The following NEXMIF variants were observed in gnomAD, a reference collection of about 807,000 sequenced individuals.
The protein encoded by NEXMIF is neurite extension and migration factor.
A neutral mutation model predicts 62.1 loss-of-function variants in NEXMIF; 8 were observed. The ratio of observed to expected loss-of-function variants is 0.13; its 90% CI spans 0.08 to 0.23. NEXMIF has a LOEUF of 0.23. NEXMIF is among the 10% of genes least tolerant of loss of function. NEXMIF has a pLI of 1.00. For missense variants in NEXMIF, 976 were observed against 1,113.3 expected (o/e 0.88, Z 1.75); for synonymous variants, 404 against 416.6 (o/e 0.97, Z 0.37).
chrX:74,753,194 T>C (rs949922374), intron 1 of NEXMIF, among the ~76,000 whole-genome samples: 1 of 112,509 alleles, frequency 8.9e-6, no homozygotes, highest in African/African-American at 3.2e-5. Context: ...TTATTACTAA[T>C]TTATCCTGTT....
intron 1 of NEXMIF, among the ~76,000 whole-genome samples, chrX:74,830,879 A>G (rs1433795280): frequency 8.9e-6 from 1 of 111,838 alleles, no homozygotes; most frequent in African/African-American, 3.2e-5. Flanking sequence ...TAGAAATGCT[A>G]CTGATTTTTG....
chrX:74,769,485 T>C (rs780374321), intron 1 of NEXMIF, among the ~76,000 whole-genome samples: 1 of 111,737 alleles, frequency 8.9e-6, no homozygotes, highest in East Asian at 2.8e-4. Flanking sequence ...ATGCCAACAC[T>C]ATGAAAAGAA....
At chrX:74,819,328 A>G (rs1408575314) in intron 1 of NEXMIF, among the ~76,000 whole-genome samples, 1 of 112,149 alleles carries the variant, frequency 8.9e-6, no homozygotes, top group Non-Finnish European at 1.9e-5. Context: ...GCCAAAATAG[A>G]CAAATGAGAT....
chrX:74,776,519 A>T (rs1245457789), intron 1 of NEXMIF, among the ~76,000 whole-genome samples: 1 of 110,749 alleles, frequency 9.0e-6, no homozygotes, highest in Non-Finnish European at 1.9e-5. Flanking sequence ...TGAGGTCAGG[A>T]GTTCAAGACC....
intron 1 of NEXMIF, among the ~76,000 whole-genome samples, chrX:74,855,454 T>G (rs1159141161): frequency 8.9e-6 from 1 of 111,945 alleles, no homozygotes; most frequent in African/African-American, 3.2e-5. Context: ...TCTGAGGCAA[T>G]GCATAATAGA....
chrX:74,740,367 C>G lies in NEXMIF; in HGVS notation c.4190G>C (p.Gly1397Ala), dbSNP rs1177439706. 1 of 1,212,014 alleles carries G rather than the reference C, an allele frequency of 8.3e-7. No homozygotes were observed. The highest frequency in any genetic ancestry group is 1.1e-6 in the Non-Finnish European group (1 of 895,585). Residue 1397 changes from glycine (G) to alanine (A), a missense_variant, in exon 3 of 4, where the codon GGT (glycine) becomes GCT (alanine). This residue lies in a region of NEXMIF where 137 missense variants were observed against 128.9 expected (regional missense o/e 1.06). Transcript: ENST00000055682. The stretch of plus-strand genomic sequence containing the variant: ...TGTTTTCCCATTGCTTTTGCTCACA[C>G]CCTTGATTGACCTGTGATTCTTAGT... ...GATKNHRSIK[G>A]VSKSNGKTAI...
At chrX:74,771,101 G>T (rs1008728442) in intron 1 of NEXMIF, among the ~76,000 whole-genome samples, 3 of 111,798 alleles carry the variant, frequency 2.7e-5, no homozygotes, top group Non-Finnish European at 3.8e-5. Flanking sequence ...CAAATTGGTT[G>T]TTTTAGTATA....
chrX:74,789,478 G>C (rs2080271665), intron 1 of NEXMIF, among the ~76,000 whole-genome samples: 1 of 110,385 alleles, frequency 9.1e-6, no homozygotes, highest in South Asian at 3.9e-4. Context: ...ATAGTCCTTT[G>C]GGTATATATC....
intron 1 of NEXMIF, among the ~76,000 whole-genome samples, chrX:74,907,310 C>G (rs1399541599): frequency 9.7e-6 from 1 of 103,399 alleles, no homozygotes; most frequent in South Asian, 5.1e-4. Flanking sequence ...TAAGTAAAGC[C>G]CTTGTGTGTT....
chrX:74,882,515 G>A (rs757094335), intron 1 of NEXMIF, among the ~76,000 whole-genome samples: 3 of 111,914 alleles, frequency 2.7e-5, no homozygotes, highest in African/African-American at 6.5e-5. Context: ...CAACTGGCTC[G>A]GAGGGTCCTA....
At chrX:74,887,507 A>C (rs1429539786) in intron 1 of NEXMIF, among the ~76,000 whole-genome samples, 1 of 112,491 alleles carries the variant, frequency 8.9e-6, no homozygotes, top group African/African-American at 3.2e-5. Flanking sequence ...GACACTTCTC[A>C]AAAGAAGACA....
At chrX:74,877,270 T>C (rs1196184981) in intron 1 of NEXMIF, among the ~76,000 whole-genome samples, 18 of 111,315 alleles carry the variant, frequency 1.6e-4, no homozygotes, top group Admixed American at 1.9e-4. Context: ...TGGCTGGATA[T>C]GAAATTCTGG....
chrX:74,891,993 G>A (rs991300795), intron 1 of NEXMIF, among the ~76,000 whole-genome samples: 2 of 112,320 alleles, frequency 1.8e-5, no homozygotes, highest in African/African-American at 6.5e-5. Context: ...GGTCAGCAAC[G>A]CTGGCATTTA....
intron 1 of NEXMIF, among the ~76,000 whole-genome samples, chrX:74,866,069 C>A (rs1291134052): frequency 9.0e-6 from 1 of 111,294 alleles, no homozygotes; most frequent in Non-Finnish European, 1.9e-5. Flanking sequence ...GGTAGATCTG[C>A]CGACAGCTTG....
Position 74,864,443 on chromosome X carries a change from C to T in NEXMIF, c.-48+60440G>A, listed in dbSNP as rs191439118. On this transcript the variant is annotated intron_variant, in intron 1 of 3. Coordinates refer to ENST00000055682, the MANE Select transcript of NEXMIF (RefSeq NM_001008537.3). ...CATCTTGAATGTAGCTCTCATAATC[C>T]CCATGTGGGAGGGACCCAGTTGGAA... Among the ~76,000 whole-genome samples the T allele has an allele frequency of 3.4e-3, 380 of 111,909 alleles. 1 individual carries two copies. Among genetic ancestry groups the T allele is most frequent in the Non-Finnish European group, 6.2e-3 (331 of 53,150 alleles).
chrX:74,741,603 A>G lies in NEXMIF; in HGVS notation c.2954T>C (p.Met985Thr). The change falls in exon 3 of 4, where the codon ATG (methionine) becomes ACG (threonine). Residue 985 changes from methionine to threonine, a missense_variant. Around this residue, in one of 5 missense-constraint regions of NEXMIF, gnomAD observed 639 missense variants for 694.5 expected, o/e 0.92. Coordinates refer to ENST00000055682, the MANE Select transcript of NEXMIF (RefSeq NM_001008537.3). ...AAAGCTAAAGAGCCGACCATCATCC[A>G]TATTGACTGGCCCCTGCTGGAAAGG... ...CFPFQQGPVN[M>T]DDGRLFSFDS... 1 of 1,211,772 alleles carries G rather than the reference A, an allele frequency of 8.3e-7. No homozygotes were observed. The highest frequency in any genetic ancestry group is 1.1e-6 in the Non-Finnish European group (1 of 895,375).
At position 74,744,013 on chromosome X, in the gene NEXMIF, T is replaced by C. The variant is rs1453061966; in HGVS notation, c.544A>G (p.Ile182Val). 2 of 1,209,928 alleles carry C rather than the reference T, an allele frequency of 1.7e-6. No homozygotes were observed. The highest frequency in any genetic ancestry group is 2.2e-6 in the Non-Finnish European group (2 of 894,052). The change falls in exon 3 of 4, where the codon ATA becomes GTA. Residue 182 changes from isoleucine to valine, a missense_variant. This residue lies in a region of NEXMIF where 126 missense variants were observed against 146.5 expected (regional missense o/e 0.86). Coordinates refer to ENST00000055682, the MANE Select transcript of NEXMIF (RefSeq NM_001008537.3). The part of the protein sequence containing the change: ...RDYETCAVSD[I>V]GIQCINAGEN... ...CCAGCATTAATACACTGAATCCCTATATCAGAGACTGCACACGTTTCATAA... is the reference window on the plus strand; with the variant it reads ...CCAGCATTAATACACTGAATCCCTACATCAGAGACTGCACACGTTTCATAA...
intron 1 of NEXMIF, among the ~76,000 whole-genome samples, chrX:74,770,691 T>C (rs989139158): frequency 8.9e-6 from 1 of 112,113 alleles, no homozygotes; most frequent in Non-Finnish European, 1.9e-5. Context: ...TTGTTCTTTA[T>C]GTATAAAGAA....
At chrX:74,889,012 T>C (rs980096236) in intron 1 of NEXMIF, among the ~76,000 whole-genome samples, 2 of 111,917 alleles carry the variant, frequency 1.8e-5, no homozygotes, top group South Asian at 7.5e-4. Flanking sequence ...TAATAATCCA[T>C]GCCCTGCTTA....
Sources: gnomAD v4.1 joint callset for allele counts (sites outside exome capture counted in the v4.1 genomes callset) on GRCh38, gnomAD v4.1.1 for gene constraint, gnomAD v4.1.1 regional missense constraint, MANE v1.5 for transcripts, NCBI Gene and HGNC (gene_info 2026-07-23, HGNC 2026-07-21) for gene names.